The following HSD17B11 variants were observed in gnomAD, a reference collection of about 807,000 sequenced individuals.
HSD17B11 encodes the protein estradiol 17-beta-dehydrogenase 11.
Under a neutral mutation model 27.8 loss-of-function variants are expected in HSD17B11, and 22 were observed. The observed-to-expected ratio is 0.79, with a 90% confidence interval of 0.56 to 1.13. The LOEUF is 1.13. Ranked by LOEUF, HSD17B11 falls within the 50% of genes most tolerant of loss-of-function variation. The pLI, the probability that HSD17B11 is intolerant of heterozygous loss-of-function variation, is 0.00. For synonymous variants in HSD17B11, 117 were observed against 132.8 expected, an observed-to-expected ratio of 0.88 and a Z score of 0.82; for missense variants, 314 against 351.1, an observed-to-expected ratio of 0.89 and a Z score of 0.84.
rs144155531 is a variant in HSD17B11 at position 87,391,044 on chromosome 4, C to G, written c.27G>C (p.Leu9=). 9.9e-6 allele frequency: 16 copies of G among 1,613,230 alleles called. No individual in the cohort carries two copies. The highest frequency in any genetic ancestry group is 3.3e-4 in the Middle Eastern group (2 of 6,080). Residue 9 remains leucine (L), a synonymous_variant, in exon 1 of 7, where the codon CTG becomes CTC. Coordinates refer to ENST00000358290, the MANE Select transcript of HSD17B11 (RefSeq NM_016245.5). ...AGCAGACGATCAGTAACGGGAGAAG[C>G]AGGAGGATGTCCAGAAGAAATTTCA... is the stretch of plus-strand genomic sequence containing the variant. MKFLLDIL[L]LLPLLIVCSL...
At chr4:87,387,380 C>T (rs986914617) in intron 1 of HSD17B11, among the ~76,000 whole-genome samples, 1 of 152,186 alleles carries the variant, frequency 6.6e-6, no homozygotes, top group Non-Finnish European at 1.5e-5. Flanking sequence ...TCTTTGTACT[C>T]TAGGTGAAAG....
chr4:87,354,243 GGATCAGCTGTCAAGAGTTCGA>G (rs1168433377), intron 5 of HSD17B11, among the ~76,000 whole-genome samples: 16 of 151,946 alleles, frequency 1.1e-4, no homozygotes, highest in Middle Eastern at 3.4e-3. Flanking sequence ...TGGCGGCCGT[GGATCAGCTGTCAAGAGTTCGA>G]GACCAGCCTG....
intron 5 of HSD17B11, among the ~76,000 whole-genome samples, chr4:87,355,174 A>G (rs1471917393): frequency 2.6e-5 from 4 of 152,124 alleles, no homozygotes; most frequent in Non-Finnish European, 5.9e-5. Flanking sequence ...CCAAAAGTCT[A>G]TCCAAGTAAG....
intron 4 of HSD17B11, chr4:87,365,916 G>C (rs1735606907): frequency 1.3e-5 from 2 of 152,076 alleles, no homozygotes; most frequent in Non-Finnish European, 2.9e-5. Flanking sequence ...GAGTGCAATG[G>C]CGTGATCTTG....
At chr4:87,380,470 C>CAAAAAAAAAAA (rs759061081) in intron 2 of HSD17B11, among the ~76,000 whole-genome samples, 1 of 39,056 alleles carries the variant, frequency 2.6e-5, no homozygotes, top group Non-Finnish European at 5.2e-5. Context: ...AAGACTGTCT[C>CAAAAAAAAAAA]AAAAAAAAAA....
intron 4 of HSD17B11, among the ~76,000 whole-genome samples, chr4:87,364,591 T>C (rs947071996): frequency 6.6e-6 from 1 of 152,212 alleles, no homozygotes; most frequent in Non-Finnish European, 1.5e-5. Context: ...CACCCCTCAC[T>C]GGGAGATGAG....
At chr4:87,387,801 C>T (rs1720358842) in intron 1 of HSD17B11, among the ~76,000 whole-genome samples, 1 of 152,100 alleles carries the variant, frequency 6.6e-6, no homozygotes, top group Admixed American at 6.6e-5. Context: ...ACTAATTTAA[C>T]CTAATAAAAA....
chr4:87,372,086 C>CA (rs1246426632), intron 4 of HSD17B11, among the ~76,000 whole-genome samples: 1 of 151,658 alleles, frequency 6.6e-6, no homozygotes, highest in East Asian at 1.9e-4. Flanking sequence ...ACTAAAAATA[C>CA]AAAAAAAGTA....
At chr4:87,354,652 A>T (rs991858728) in intron 5 of HSD17B11, among the ~76,000 whole-genome samples, 1 of 143,812 alleles carries the variant, frequency 7.0e-6, no homozygotes, top group African/African-American at 2.9e-5. Context: ...CAAAAAAAAT[A>T]AAAAAAATAA....
At position 87,371,943 on chromosome 4, in the gene HSD17B11, T is replaced by A. The variant is rs143117579; in HGVS notation, c.557+766A>T. Among the ~76,000 whole-genome samples the A allele has an allele frequency of 4.3e-3, 652 of 152,156 alleles. 3 individuals carry two copies. Among genetic ancestry groups the A allele is most frequent in the African/African-American group, 0.015 (616 of 41,514 alleles). The stretch of plus-strand genomic sequence containing the variant: ...GCCCAAATGGCACCCTTGTGTGGTT[T>A]CTTAAAAGCCACTTCTCGGCTGGGC... On this transcript the variant is annotated intron_variant, in intron 4 of 6. Transcript: ENST00000358290.
chr4:87,388,063 T>G (rs539959262), intron 1 of HSD17B11, among the ~76,000 whole-genome samples: 1 of 152,132 alleles, frequency 6.6e-6, no homozygotes, highest in Admixed American at 6.5e-5. Flanking sequence ...ACAGGAAATT[T>G]TATCATCTGT....
At chr4:87,374,981 C>T in intron 2 of HSD17B11, 151 bp from the exon 3 acceptor site, 3 of 500,658 alleles carry the variant, frequency 6.0e-6, no homozygotes, top group Non-Finnish European at 1.0e-5. Context: ...GCAACCTCCA[C>T]CTCCCGGGTT....
chr4:87,376,589 G>A (rs1560768191), intron 2 of HSD17B11, among the ~76,000 whole-genome samples: 1 of 150,164 alleles, frequency 6.7e-6, no homozygotes, highest in East Asian at 1.9e-4. Flanking sequence ...AAATACATAT[G>A]TGTGTTTTTC....
intron 4 of HSD17B11, among the ~76,000 whole-genome samples, chr4:87,370,192 G>A (rs1005065460): frequency 9.2e-5 from 14 of 152,104 alleles, no homozygotes; most frequent in East Asian, 7.7e-4. Context: ...AAAACTAGGC[G>A]TCAGAGCATA....
At chr4:87,377,407 G>A (rs1204470093) in intron 2 of HSD17B11, among the ~76,000 whole-genome samples, 5 of 151,074 alleles carry the variant, frequency 3.3e-5, no homozygotes, top group South Asian at 2.1e-4. Flanking sequence ...CTGAGATTGC[G>A]CCACTGTGCT....
At chr4:87,389,497 T>C (rs1720402938) in intron 1 of HSD17B11, among the ~76,000 whole-genome samples, 1 of 152,210 alleles carries the variant, frequency 6.6e-6, no homozygotes, top group South Asian at 2.1e-4. Context: ...GTGCTGGGAT[T>C]ACAAGTGTGA....
At chr4:87,358,180 C>T (rs1430115585) in intron 4 of HSD17B11, among the ~76,000 whole-genome samples, 1 of 151,952 alleles carries the variant, frequency 6.6e-6, no homozygotes, top group African/African-American at 2.4e-5. Flanking sequence ...CCAGGATGGT[C>T]TCGATTTCCT....
At chr4:87,360,397 T>A (rs948246145) in intron 4 of HSD17B11, among the ~76,000 whole-genome samples, 9 of 152,256 alleles carry the variant, frequency 5.9e-5, no homozygotes, top group African/African-American at 1.4e-4. Context: ...CAATGATGTC[T>A]CCAAAGATTA....
At position 87,378,885 on chromosome 4, in the gene HSD17B11, TATATATATAA is replaced by T. The variant is rs1560769305; in HGVS notation, c.318+3360_318+3369del. Among the ~76,000 whole-genome samples the T allele has an allele frequency of 1.3e-3, 19 of 14,086 alleles. 2 individuals carry two copies. In the South Asian group the frequency reaches 0.014, roughly 11 times the overall value. The allele number at this position is 14,086 out of a possible 152,430, so 9.2% of individuals were successfully genotyped here. On this transcript the variant is annotated intron_variant, in intron 2 of 6. Coordinates refer to ENST00000358290, the MANE Select transcript of HSD17B11 (RefSeq NM_016245.5). ...ATATATAAATATATATATATAAATATATATATATAAATATATATAAATATATATATATAAA... is the reference window on the plus strand; with the variant it reads ...ATATATAAATATATATATATAAATATATATATATAAATATATATATATAAA...
Sources: allele counts gnomAD v4.1 joint callset (sites outside exome capture counted in the v4.1 genomes callset), GRCh38; gene constraint gnomAD v4.1.1; transcripts MANE v1.5; gene names NCBI Gene and HGNC (gene_info 2026-07-23, HGNC 2026-07-21).